DNM3: variants seen among roughly 807,000 people sequenced by gnomAD.
DNM3 encodes the protein dynamin 3, also known as dynamin-3.
A neutral mutation model predicts 101.6 loss-of-function variants in DNM3; 47 were observed. That is an observed-to-expected ratio of 0.46 (90% CI 0.37 to 0.59). The LOEUF (loss-of-function observed/expected upper bound fraction) is 0.59. Among genes scored for constraint, DNM3 ranks in the 20% least tolerant of loss-of-function variants. The probability of loss-of-function intolerance (pLI) is 0.00; values close to 1 mark genes in which losing one functional copy is unlikely to be tolerated. For missense variants in DNM3, 849 were observed against 1,085.7 expected (o/e 0.78, Z 3.06); for synonymous variants, 385 against 387.9 (o/e 0.99, Z 0.09).
At chr1:172,073,881 C>A (rs2052420404) in intron 11 of DNM3, among the ~76,000 whole-genome samples, 1 of 152,164 alleles carries the variant, frequency 6.6e-6, no homozygotes, top group South Asian at 2.1e-4. Context: ...TGGTATAATA[C>A]CTTCTTTTTT....
At chr1:172,407,739 T>G in intron 20 of DNM3, 33 bp from the exon 21 acceptor site, 1 of 1,603,310 alleles carries the variant, frequency 6.2e-7, no homozygotes, top group Non-Finnish European at 8.5e-7. Flanking sequence ...ATATTCTACT[T>G]GTTTCTTTAC....
chr1:171,965,910 G>C lies in DNM3; in HGVS notation c.236-21746G>C, dbSNP rs539322823. Among the ~76,000 whole-genome samples the C allele has an allele frequency of 7.2e-5, 11 of 152,276 alleles. No individual in the cohort carries two copies. The South Asian group carries it at 1.0e-3, about 14-fold the overall frequency. On this transcript the variant is annotated intron_variant, in intron 2 of 20. Transcript: ENST00000627582. ...TTCTCTGGCAACAGGGGTCAATGAAGAATCCCCCCATTAGCGTAAACTTAG... is the reference window on the plus strand; with the variant it reads ...TTCTCTGGCAACAGGGGTCAATGAACAATCCCCCCATTAGCGTAAACTTAG...
At chr1:172,350,940 A>G (rs1196406650) in intron 17 of DNM3, among the ~76,000 whole-genome samples, 1 of 152,116 alleles carries the variant, frequency 6.6e-6, no homozygotes, top group Non-Finnish European at 1.5e-5. Flanking sequence ...CAAAAGTACT[A>G]TTCACCTCTT....
chr1:172,057,390 T>G (rs2050733632), intron 10 of DNM3, among the ~76,000 whole-genome samples: 1 of 151,972 alleles, frequency 6.6e-6, no homozygotes. Flanking sequence ...GACACATAAT[T>G]GTCAGATTCA....
intron 13 of DNM3, among the ~76,000 whole-genome samples, chr1:172,110,310 A>G (rs1199042607): frequency 6.6e-6 from 1 of 152,142 alleles, no homozygotes; most frequent in Non-Finnish European, 1.5e-5. Context: ...TTCAGTCCTC[A>G]ACTGCATGTT....
intron 17 of DNM3, among the ~76,000 whole-genome samples, chr1:172,346,873 A>C (rs1482724583): frequency 6.6e-6 from 1 of 152,188 alleles, no homozygotes. Context: ...AGCTTAGTAC[A>C]TTCCAAGTTC....
chr1:172,053,869 C>T (rs2050382040), intron 10 of DNM3, among the ~76,000 whole-genome samples: 1 of 150,790 alleles, frequency 6.6e-6, no homozygotes, highest in Admixed American at 6.6e-5. Flanking sequence ...CAAAATAATC[C>T]TAATTAGAGT....
intron 14 of DNM3, among the ~76,000 whole-genome samples, chr1:172,209,699 A>C (rs1483056081): frequency 6.6e-6 from 1 of 152,174 alleles, no homozygotes; most frequent in Non-Finnish European, 1.5e-5. Flanking sequence ...AATGGCTTGT[A>C]AGCACATATA....
At chr1:172,077,054 G>A (rs1431258717) in intron 11 of DNM3, among the ~76,000 whole-genome samples, 9 of 152,102 alleles carry the variant, frequency 5.9e-5, no homozygotes. Context: ...GAGGGTGTAT[G>A]TATCCAGGAA....
downstream of DNM3, among the ~76,000 whole-genome samples, chr1:172,413,146 T>A (rs2071303493): frequency 6.6e-6 from 1 of 152,220 alleles, no homozygotes; most frequent in Non-Finnish European, 1.5e-5. Context: ...ATATTTTAGC[T>A]CCTGACCCAA....
At chr1:172,089,598 G>A (rs955892183) in intron 12 of DNM3, among the ~76,000 whole-genome samples, 29 of 152,246 alleles carry the variant, frequency 1.9e-4, no homozygotes, top group Admixed American at 1.0e-3. Context: ...TACATCATTA[G>A]CAACAGAATG....
At chr1:171,951,847 G>T (rs2042547755) in intron 2 of DNM3, among the ~76,000 whole-genome samples, 1 of 152,160 alleles carries the variant, frequency 6.6e-6, no homozygotes, top group African/African-American at 2.4e-5. Flanking sequence ...AGTGGTTACA[G>T]ATTGGTTTTA....
In DNM3 at chr1:172,102,362, A is replaced by T. The variant is rs1012972150; in HGVS notation, c.1545+9487A>T. ...TCATTATTTTATTATAATAAAATAG[A>T]GATTAGAGTTTATGAAAACCACACT... On this transcript the variant is annotated intron_variant, in intron 13 of 20. Transcript: ENST00000627582. Among the ~76,000 whole-genome samples, 85 of 152,272 alleles carry T rather than the reference A, an allele frequency of 5.6e-4. 1 individual carries two copies. The highest frequency in any genetic ancestry group is 1.8e-3 in the African/African-American group (73 of 41,572).
chr1:172,283,780 A>AAAAAAAAAG (rs1553221113), intron 15 of DNM3, among the ~76,000 whole-genome samples: 4 of 119,118 alleles, frequency 3.4e-5, no homozygotes, highest in African/African-American at 1.3e-4. Flanking sequence ...AAAAAAAAAA[A>AAAAAAAAAG]AAAGAAAGAA....
At chr1:172,320,698 A>G (rs2148907535) in intron 16 of DNM3, among the ~76,000 whole-genome samples, 1 of 152,218 alleles carries the variant, frequency 6.6e-6, no homozygotes, top group East Asian at 1.9e-4. Flanking sequence ...AGAATTTCCC[A>G]TCTATTGGCT....
intron 15 of DNM3, among the ~76,000 whole-genome samples, chr1:172,279,733 T>TA (rs1286753603): frequency 1.3e-5 from 2 of 152,154 alleles, no homozygotes; most frequent in African/African-American, 4.8e-5. Flanking sequence ...CAGAAACATA[T>TA]GATGGCTCTG....
intron 11 of DNM3, among the ~76,000 whole-genome samples, chr1:172,081,017 C>T (rs541648674): frequency 2.0e-5 from 3 of 152,314 alleles, no homozygotes; most frequent in East Asian, 1.9e-4. Flanking sequence ...GCAGAAATCA[C>T]CTGCTTCTGT....
intron 4 of DNM3, 50 bp from the exon 5 acceptor site, chr1:172,032,352 T>C (rs759288406): frequency 1.1e-5 from 15 of 1,338,934 alleles, no homozygotes; most frequent in Non-Finnish European, 1.5e-5. Flanking sequence ...ATGTCTAAAA[T>C]TTGTTAGTCT....
chr1:172,078,154 G>T lies in DNM3; in HGVS notation c.1423-3678G>T, dbSNP rs533033044. 1.4e-3 allele frequency among the ~76,000 whole-genome samples: 211 copies of T among 152,080 alleles called. 1 individual carries two copies. Among genetic ancestry groups the T allele is most frequent in the African/African-American group, 4.9e-3 (202 of 41,496 alleles). ...GTCACCCAGGCTGCAGTGCAGTGGC[G>T]CAATCTCAGCTCACTGCAAGCTCCG... On this transcript the variant is annotated intron_variant, in intron 11 of 20. Coordinates refer to ENST00000627582, the MANE Select transcript of DNM3 (RefSeq NM_015569.5).
Sources: allele counts gnomAD v4.1 joint callset (sites outside exome capture counted in the v4.1 genomes callset), GRCh38; gene constraint gnomAD v4.1.1; transcripts MANE v1.5; gene names NCBI Gene and HGNC (gene_info 2026-07-23, HGNC 2026-07-21).